The following TUBGCP3 variants were observed in gnomAD, a reference collection of about 807,000 sequenced individuals.
The protein encoded by TUBGCP3 is gamma-tubulin complex component 3.
A neutral mutation model predicts 123.1 loss-of-function variants in TUBGCP3; 50 were observed. That is an observed-to-expected ratio of 0.41 (90% CI 0.32 to 0.51). TUBGCP3 has a LOEUF of 0.51. Ranked by LOEUF, TUBGCP3 falls within the 20% of genes least tolerant of loss-of-function variation. TUBGCP3 has a pLI of 0.36. For synonymous variants in TUBGCP3, 405 were observed against 413.9 expected, an observed-to-expected ratio of 0.98 and a Z score of 0.26; for missense variants, 882 against 1,127.0, an observed-to-expected ratio of 0.78 and a Z score of 3.11.
chr13:112,576,810 A>G lies in TUBGCP3; in HGVS notation c.77-7551T>C, dbSNP rs138531339. ...CATAAAATGCTTTCTTTAAAAAGGA[A>G]GATAGACCTCAAATCAATAATCTCA... On this transcript the variant is annotated intron_variant, in intron 1 of 21. Coordinates refer to ENST00000261965, the MANE Select transcript of TUBGCP3 (RefSeq NM_006322.6). Among the ~76,000 whole-genome samples, 1,391 of 152,220 alleles carry G rather than the reference A, an allele frequency of 9.1e-3. 12 individuals are homozygous for G. The highest frequency in any genetic ancestry group is 0.026 in the Admixed American group (391 of 15,284).
intron 1 of TUBGCP3, among the ~76,000 whole-genome samples, chr13:112,571,823 C>G (rs1566587995): frequency 6.6e-6 from 1 of 152,194 alleles, no homozygotes. Context: ...GCTGCTTCAC[C>G]TTGCATTTTT....
intron 17 of TUBGCP3, among the ~76,000 whole-genome samples, chr13:112,506,717 A>AGTTT (rs2139011309): frequency 6.6e-6 from 1 of 152,332 alleles, no homozygotes; most frequent in East Asian, 1.9e-4. Flanking sequence ...ACTTTTCCCT[A>AGTTT]CTAAAACTAT....
chr13:112,555,065 A>C lies in TUBGCP3; in HGVS notation c.722-60T>G, dbSNP rs1879914847. ...GACAATATTTTAACAGACAATAGATATTATGGTGCAATTAGCTTCAGATTA... is the reference window on the plus strand; with the variant it reads ...GACAATATTTTAACAGACAATAGATCTTATGGTGCAATTAGCTTCAGATTA... On this transcript the variant is annotated intron_variant, in intron 6 of 21. Transcript: ENST00000261965. The C allele has an allele frequency of 2.8e-6, 3 of 1,074,202 alleles. No homozygotes were observed. In the Admixed American group the frequency reaches 7.0e-5, roughly 25 times the overall value. 66.5% of individuals were successfully genotyped at this position (1,074,202 alleles called of 1,614,324 possible).
At chr13:112,506,349 C>T (rs1881303814) in intron 17 of TUBGCP3, among the ~76,000 whole-genome samples, 1 of 152,228 alleles carries the variant, frequency 6.6e-6, no homozygotes, top group African/African-American at 2.4e-5. Flanking sequence ...CTGCCAATGG[C>T]TATGACTGAT....
At chr13:112,491,013 C>T (rs1287149047) in intron 20 of TUBGCP3, among the ~76,000 whole-genome samples, 5 of 152,206 alleles carry the variant, frequency 3.3e-5, no homozygotes, top group African/African-American at 9.7e-5. Context: ...TTCTTTCTCA[C>T]TTGTTTTGTA....
chr13:112,506,420 C>A (rs768666211), intron 17 of TUBGCP3, among the ~76,000 whole-genome samples: 1 of 152,208 alleles, frequency 6.6e-6, no homozygotes, highest in Non-Finnish European at 1.5e-5. Context: ...GAATCCTCAG[C>A]GCTCCTTACA....
chr13:112,554,096 G>T lies in TUBGCP3; in HGVS notation c.927C>A (p.Asp309Glu). The change falls in exon 8 of 22, where the codon GAC becomes GAA. Residue 309 changes from aspartate (D) to glutamate (E), a missense_variant. Around this residue, in one of 3 missense-constraint regions of TUBGCP3, gnomAD observed 713 missense variants for 874.0 expected, o/e 0.82. Coordinates refer to ENST00000261965, the MANE Select transcript of TUBGCP3 (RefSeq NM_006322.6). Reference sequence around the variant, plus strand: ...CGAATGAGCGGTCCAGGCTCCTCTGGTCCGTGTATCTTCTGATTTTATTAT... The same window carrying T: ...CGAATGAGCGGTCCAGGCTCCTCTGTTCCGTGTATCTTCTGATTTTATTAT... ...WLHNKIRRYT[D>E]QRSLDRSFGL... 7 of 1,614,102 alleles carry T rather than the reference G, an allele frequency of 4.3e-6. No individual in the cohort carries two copies. Among genetic ancestry groups the T allele is most frequent in the Non-Finnish European group, 5.9e-6 (7 of 1,180,012 alleles).
At chr13:112,490,317 A>G (rs1257576787) in intron 20 of TUBGCP3, among the ~76,000 whole-genome samples, 1 of 152,226 alleles carries the variant, frequency 6.6e-6, no homozygotes, top group Non-Finnish European at 1.5e-5. Context: ...GTACAATGGC[A>G]TGATCTCAGC....
intron 17 of TUBGCP3, among the ~76,000 whole-genome samples, chr13:112,510,297 T>G (rs1037701813): frequency 2.6e-5 from 4 of 152,206 alleles, no homozygotes; most frequent in Non-Finnish European, 4.4e-5. Flanking sequence ...CCCCTATAGA[T>G]AGCATCGAGT....
upstream of TUBGCP3, among the ~76,000 whole-genome samples, chr13:112,590,411 C>G (rs544860235): frequency 5.9e-5 from 9 of 152,190 alleles, no homozygotes; most frequent in Admixed American, 1.3e-4. Flanking sequence ...GGGCTGTCTT[C>G]CCAGAATATA....
chr13:112,593,969 A>G, the TUBGCP3 span, among the ~76,000 whole-genome samples: 1 of 152,382 alleles, frequency 6.6e-6, no homozygotes, highest in South Asian at 2.1e-4. Flanking sequence ...GACATAAATT[A>G]TGAGCACTGA....
At chr13:112,551,239 C>A (rs974412830) in intron 8 of TUBGCP3, among the ~76,000 whole-genome samples, 2 of 152,228 alleles carry the variant, frequency 1.3e-5, no homozygotes, top group Admixed American at 1.3e-4. Context: ...GCAGGCAGAG[C>A]GCGGCAGCGC....
chr13:112,600,730 C>G, the TUBGCP3 span, among the ~76,000 whole-genome samples: 1 of 152,012 alleles, frequency 6.6e-6, no homozygotes, highest in African/African-American at 2.4e-5. Context: ...GCCTCTCTCT[C>G]CGGGTTGGCA....
In TUBGCP3 at chr13:112,540,704, A is replaced by G. The variant is rs56862667; in HGVS notation, c.1335+4995T>C. The stretch of plus-strand genomic sequence containing the variant: ...GGAAAGGACACCTGGGAATGATGAC[A>G]TCAATGTAGTAGCCTGTGAGCATTC... On this transcript the variant is annotated intron_variant, in intron 11 of 21. Coordinates refer to ENST00000261965, the MANE Select transcript of TUBGCP3 (RefSeq NM_006322.6). Among the ~76,000 whole-genome samples the G allele has an allele frequency of 3.5e-3, 495 of 141,618 alleles. 11 individuals carry two copies. The highest frequency in any genetic ancestry group is 0.03 in the Admixed American group (442 of 14,534). The allele number at this position is 141,618 out of a possible 152,430, so 92.9% of individuals were successfully genotyped here.
intron 19 of TUBGCP3, among the ~76,000 whole-genome samples, chr13:112,503,357 TTTGTTGTTG>T (rs887399929): frequency 1.3e-5 from 2 of 152,082 alleles, no homozygotes; most frequent in Non-Finnish European, 1.5e-5. Context: ...ACCATGGTTT[TTTGTTGTTG>T]TTGTTGTTGT....
intron 1 of TUBGCP3, among the ~76,000 whole-genome samples, chr13:112,574,650 A>G: frequency 6.6e-6 from 1 of 152,230 alleles, no homozygotes; most frequent in South Asian, 2.1e-4. Flanking sequence ...GTCAAGACAG[A>G]GTAAGCACAC....
chr13:112,574,572 C>T (rs1594224578), intron 1 of TUBGCP3, among the ~76,000 whole-genome samples: 1 of 152,102 alleles, frequency 6.6e-6, no homozygotes, highest in East Asian at 1.9e-4. Flanking sequence ...CTGAAGAATC[C>T]CTGAAAGATG....
intron 10 of TUBGCP3, chr13:112,546,924 T>A (rs1879049265): frequency 6.6e-6 from 1 of 152,406 alleles, no homozygotes; most frequent in South Asian, 2.1e-4. Flanking sequence ...AGAAGGGAAC[T>A]CTTGTGTGGC....
At chr13:112,602,726 C>A in the TUBGCP3 span, 9 of 152,090 alleles carry the variant, frequency 5.9e-5, no homozygotes, top group Admixed American at 5.9e-4. Flanking sequence ...TTCATTTTAC[C>A]GAACGTTAGC....
Sources: allele counts gnomAD v4.1 joint callset (sites outside exome capture counted in the v4.1 genomes callset), GRCh38; gene constraint gnomAD v4.1.1; regional missense constraint gnomAD v4.1.1; transcripts MANE v1.5; gene names NCBI Gene and HGNC (gene_info 2026-07-23, HGNC 2026-07-21).